The following ZNF451 variants were observed in gnomAD, a reference collection of about 807,000 sequenced individuals.
The protein encoded by ZNF451 is zinc finger protein 451, also known as E3 SUMO-protein ligase ZNF451.
In ZNF451, 80 loss-of-function variants were observed where a neutral mutation model predicts 107.1. That is an observed-to-expected ratio of 0.75 (90% CI 0.62 to 0.90). ZNF451 has a LOEUF of 0.90. ZNF451 is among the 40% of genes least tolerant of loss of function. The pLI, the probability that ZNF451 is intolerant of heterozygous loss-of-function variation, is 0.00. For missense variants in ZNF451, 1,107 were observed against 1,236.2 expected (o/e 0.90, Z 1.57); for synonymous variants, 362 against 406.5 (o/e 0.89, Z 1.32).
rs780510124 is a variant in ZNF451, at chr6:57,134,883, C to T, written c.702+13C>T. The stretch of plus-strand genomic sequence containing the variant: ...CCTTTTTGATAAGGTAAGAGCATGT[C>T]CTAAATTAAAAGTATTATTTTTCTA... On this transcript the variant is annotated intron_variant, in intron 7 of 14. Coordinates refer to ENST00000370706, the MANE Select transcript of ZNF451 (RefSeq NM_001031623.3). The T allele has an allele frequency of 6.3e-6, 10 of 1,593,220 alleles. No individual in the cohort carries two copies. Among genetic ancestry groups the T allele is most frequent in the Non-Finnish European group, 8.6e-6 (10 of 1,168,658 alleles).
intron 3 of ZNF451, among the ~76,000 whole-genome samples, chr6:57,124,030 A>G (rs932885640): frequency 2.0e-5 from 3 of 152,172 alleles, no homozygotes; most frequent in African/African-American, 7.2e-5. Flanking sequence ...TAGGACTTCT[A>G]GTACAATGTT....
chr6:57,140,498 G>A (rs982073387), intron 7 of ZNF451, among the ~76,000 whole-genome samples: 2 of 152,110 alleles, frequency 1.3e-5, no homozygotes, highest in Non-Finnish European at 2.9e-5. Flanking sequence ...TGAATTGGTA[G>A]AGCCTTTTTG....
intron 13 of ZNF451, among the ~76,000 whole-genome samples, chr6:57,156,960 T>C (rs1364973293): frequency 6.6e-6 from 1 of 152,196 alleles, no homozygotes; most frequent in Admixed American, 6.5e-5. Context: ...TAATGCTGGC[T>C]CACCTGCTGC....
intron 14 of ZNF451, among the ~76,000 whole-genome samples, chr6:57,166,727 T>C (rs1162502059): frequency 6.6e-6 from 1 of 152,238 alleles, no homozygotes; most frequent in Non-Finnish European, 1.5e-5. Context: ...CATAATTGTA[T>C]GTGCTGTACT....
At chr6:57,100,429 G>C (rs1042954394) in intron 3 of ZNF451, among the ~76,000 whole-genome samples, 4 of 152,046 alleles carry the variant, frequency 2.6e-5, no homozygotes, top group Admixed American at 2.6e-4. Flanking sequence ...TTGTGGATTT[G>C]ACTTCTCTGA....
intron 6 of ZNF451, chr6:57,134,311 A>G (rs936990708): frequency 6.5e-6 from 1 of 154,462 alleles, no homozygotes; most frequent in Non-Finnish European, 1.4e-5. Context: ...TAAATGGTAA[A>G]AATGAACATT....
At chr6:57,095,980 C>A (rs573505166) in intron 2 of ZNF451, among the ~76,000 whole-genome samples, 1 of 151,638 alleles carries the variant, frequency 6.6e-6, no homozygotes, top group African/African-American at 2.4e-5. Context: ...TACACCACCA[C>A]GCCCAGCTAA....
At chr6:57,092,016 TGGG>T (rs879275820) in intron 2 of ZNF451, among the ~76,000 whole-genome samples, 5 of 152,160 alleles carry the variant, frequency 3.3e-5, no homozygotes, top group Non-Finnish European at 7.3e-5. Context: ...GAGTAGAGGA[TGGG>T]GGTGAATTGT....
intron 3 of ZNF451, chr6:57,106,393 G>A (rs975353212): frequency 1.2e-5 from 9 of 767,430 alleles, no homozygotes; most frequent in Admixed American, 7.2e-5. Context: ...GACTGCAACC[G>A]CCACCTCCCG....
intron 3 of ZNF451, chr6:57,116,275 T>C (rs1830361838): frequency 6.6e-6 from 1 of 152,122 alleles, no homozygotes; most frequent in Non-Finnish European, 1.5e-5. Context: ...AAATATTGTA[T>C]GGGCAGGGTG....
intron 3 of ZNF451, chr6:57,107,764 C>T: frequency 1.0e-6 from 1 of 984,684 alleles, no homozygotes; most frequent in Non-Finnish European, 1.2e-6. Flanking sequence ...GGAGATCTCT[C>T]AAGTTGTACT....
At chr6:57,118,737 G>A (rs1002020932) in intron 3 of ZNF451, among the ~76,000 whole-genome samples, 7 of 152,162 alleles carry the variant, frequency 4.6e-5, no homozygotes, top group Non-Finnish European at 1.0e-4. Context: ...TCCTGCCTCA[G>A]CTCCCAAAGT....
chr6:57,100,144 T>TC (rs150050818), intron 3 of ZNF451, among the ~76,000 whole-genome samples: 15,514 of 152,182 alleles, frequency 0.1, 1,046 homozygotes, highest in Middle Eastern at 0.17. Context: ...CTAAAATGAC[T>TC]CTAATGGGGG....
intron 14 of ZNF451, among the ~76,000 whole-genome samples, chr6:57,164,466 G>GTC (rs986133764): frequency 1.3e-5 from 2 of 152,176 alleles, no homozygotes; most frequent in African/African-American, 4.8e-5. Flanking sequence ...CTAGAGGTAT[G>GTC]TCTGTTAACT....
At chr6:57,134,391 AAGTT>A (rs1831331407) in intron 6 of ZNF451, among the ~76,000 whole-genome samples, 1 of 152,200 alleles carries the variant, frequency 6.6e-6, no homozygotes, top group African/African-American at 2.4e-5. Context: ...GATGTATTTA[AAGTT>A]AGTTGTGAGT....
intron 9 of ZNF451, among the ~76,000 whole-genome samples, chr6:57,142,629 A>G (rs1431720534): frequency 6.6e-6 from 1 of 152,210 alleles, no homozygotes; most frequent in Non-Finnish European, 1.5e-5. Flanking sequence ...TTTACAATTT[A>G]TAGCTTTTAT....
chr6:57,099,577 G>T, intron 3 of ZNF451: 1 of 712,766 alleles, frequency 1.4e-6, no homozygotes, highest in Non-Finnish European at 2.6e-6. Context: ...TGGAAAGTGG[G>T]GGAAGGGTTT....
chr6:57,119,353 C>T (rs1459576859), intron 3 of ZNF451, among the ~76,000 whole-genome samples: 1 of 152,090 alleles, frequency 6.6e-6, no homozygotes, highest in Non-Finnish European at 1.5e-5. Context: ...ATGGAGAAAC[C>T]CCATCTTTAC....
intron 2 of ZNF451, among the ~76,000 whole-genome samples, chr6:57,098,196 C>T (rs183189906): frequency 8.0e-5 from 12 of 150,148 alleles, no homozygotes; most frequent in Admixed American, 2.6e-4. Flanking sequence ...TCTCGAACTC[C>T]AGCCTGGCCA....
Sources: gnomAD v4.1 joint callset for allele counts (sites outside exome capture counted in the v4.1 genomes callset) on GRCh38, gnomAD v4.1.1 for gene constraint, MANE v1.5 for transcripts, NCBI Gene and HGNC (gene_info 2026-07-23, HGNC 2026-07-21) for gene names.